ARHGAP6: variants seen among roughly 807,000 people sequenced by gnomAD.
ARHGAP6 encodes the protein rho GTPase-activating protein 6.
A neutral mutation model predicts 55.7 loss-of-function variants in ARHGAP6; 16 were observed. The observed-to-expected ratio is 0.29, with a 90% CI of 0.19 to 0.44. ARHGAP6 has a LOEUF of 0.44. ARHGAP6 is among the 20% of genes least tolerant of loss of function. The pLI, the probability that ARHGAP6 is intolerant of heterozygous loss-of-function variation, is 1.00. For synonymous variants in ARHGAP6, 382 were observed against 360.9 expected (o/e 1.06, Z -0.66); for missense variants, 698 against 808.9 (o/e 0.86, Z 1.66).
intron 1 of ARHGAP6, among the ~76,000 whole-genome samples, chrX:11,499,170 A>T (rs1351374050): frequency 1.8e-5 from 2 of 112,303 alleles, no homozygotes; most frequent in Admixed American, 1.9e-4. Flanking sequence ...AAACGAAAAC[A>T]TGCAGGCAAA....
At chrX:11,566,129 G>T (rs979255245) in intron 1 of ARHGAP6, among the ~76,000 whole-genome samples, 2 of 111,941 alleles carry the variant, frequency 1.8e-5, no homozygotes, top group African/African-American at 3.2e-5. Context: ...ATGGTGTCCT[G>T]GTTGGTGATG....
chrX:11,277,785 T>C (rs1321561293), intron 1 of ARHGAP6, among the ~76,000 whole-genome samples: 2 of 111,541 alleles, frequency 1.8e-5, no homozygotes, highest in Non-Finnish European at 3.8e-5. Flanking sequence ...GTTTATATTT[T>C]AACTCTAAAG....
chrX:11,416,181 A>T (rs763877382), intron 1 of ARHGAP6, among the ~76,000 whole-genome samples: 2 of 111,313 alleles, frequency 1.8e-5, no homozygotes, highest in Admixed American at 9.6e-5. Context: ...TTCTCAAACC[A>T]AGTTTCCTCT....
chrX:11,283,243 A>AATTCTCTTC (rs1452551040), intron 1 of ARHGAP6, among the ~76,000 whole-genome samples: 2 of 111,713 alleles, frequency 1.8e-5, no homozygotes, highest in African/African-American at 6.5e-5. Flanking sequence ...TTATGAGCTA[A>AATTCTCTTC]ATTCTCTTCT....
At chrX:11,414,473 G>T (rs978465043) in intron 1 of ARHGAP6, among the ~76,000 whole-genome samples, 1 of 109,451 alleles carries the variant, frequency 9.1e-6, no homozygotes, top group Non-Finnish European at 1.9e-5. Flanking sequence ...GTCATAGTTT[G>T]TTGACCCCTG....
chrX:11,320,028 C>T lies in ARHGAP6; in HGVS notation c.589-65321G>A, dbSNP rs148248194. Reference sequence around the variant, plus strand: ...GGTCTACAATCATCATCTACAGCACCGGATCCACCATATCACTTCAAGTAA... The same window carrying T: ...GGTCTACAATCATCATCTACAGCACTGGATCCACCATATCACTTCAAGTAA... On this transcript the variant is annotated intron_variant, in intron 1 of 12. Coordinates refer to ENST00000337414, the MANE Select transcript of ARHGAP6 (RefSeq NM_013427.3). 6.2e-4 allele frequency among the ~76,000 whole-genome samples: 70 copies of T among 112,002 alleles called. 1 individual carries two copies. The highest frequency in any genetic ancestry group is 1.9e-3 in the African/African-American group (58 of 30,920).
At chrX:11,228,433 C>T (rs1324033637) in intron 2 of ARHGAP6, among the ~76,000 whole-genome samples, 1 of 111,805 alleles carries the variant, frequency 8.9e-6, no homozygotes, top group Non-Finnish European at 1.9e-5. Context: ...CCTTTGACAT[C>T]TAATTTACCC....
chrX:11,490,333 G>A (rs1356761040), intron 1 of ARHGAP6, among the ~76,000 whole-genome samples: 1 of 111,691 alleles, frequency 9.0e-6, no homozygotes, highest in African/African-American at 3.3e-5. Flanking sequence ...CAAAAGCTGA[G>A]CGTAGCCCCC....
chrX:11,381,568 G>A (rs1603154047), intron 1 of ARHGAP6, among the ~76,000 whole-genome samples: 1 of 111,646 alleles, frequency 9.0e-6, no homozygotes, highest in East Asian at 2.8e-4. Flanking sequence ...CTGGTGAAAA[G>A]GGTAAAGCTG....
At chrX:11,347,711 G>A (rs2048806165) in intron 1 of ARHGAP6, among the ~76,000 whole-genome samples, 1 of 112,322 alleles carries the variant, frequency 8.9e-6, no homozygotes. Context: ...ATGGAAGGCA[G>A]ACAGGAAAAT....
intron 1 of ARHGAP6, among the ~76,000 whole-genome samples, chrX:11,259,609 A>G (rs890737414): frequency 2.7e-5 from 3 of 112,573 alleles, no homozygotes; most frequent in African/African-American, 9.7e-5. Context: ...TCATAATAGT[A>G]AGGACGTTAC....
intron 2 of ARHGAP6, among the ~76,000 whole-genome samples, chrX:11,242,319 T>C (rs1219337559): frequency 8.9e-6 from 1 of 112,794 alleles, no homozygotes; most frequent in East Asian, 2.8e-4. Context: ...CTATGGTTTT[T>C]CCTTAACTAG....
intron 1 of ARHGAP6, among the ~76,000 whole-genome samples, chrX:11,566,989 GT>G (rs1370130325): frequency 8.9e-6 from 1 of 111,947 alleles, no homozygotes; most frequent in Admixed American, 9.5e-5. Context: ...AACAAACCCA[GT>G]AAAAATAACA....
chrX:11,339,892 C>T (rs1296857758), intron 1 of ARHGAP6, among the ~76,000 whole-genome samples: 1 of 112,258 alleles, frequency 8.9e-6, no homozygotes, highest in Non-Finnish European at 1.9e-5. Context: ...CACCCAGTTG[C>T]TCAAGCAAGC....
At chrX:11,174,596 C>CT (rs1569241336) in intron 8 of ARHGAP6, among the ~76,000 whole-genome samples, 1 of 63,945 alleles carries the variant, frequency 1.6e-5, no homozygotes, top group African/African-American at 5.3e-5. Context: ...CTTTCTTTTT[C>CT]TTTCTTTCTT....
chrX:11,185,762 A>G (rs1299452131), intron 5 of ARHGAP6, among the ~76,000 whole-genome samples: 1 of 112,282 alleles, frequency 8.9e-6, no homozygotes, highest in African/African-American at 3.2e-5. Context: ...GCAAATAGCA[A>G]TATGTAAACC....
At chrX:11,273,621 G>C (rs1212262706) in intron 1 of ARHGAP6, among the ~76,000 whole-genome samples, 1 of 106,515 alleles carries the variant, frequency 9.4e-6, no homozygotes, top group African/African-American at 3.4e-5. Context: ...GAGTTTTGCT[G>C]CTTCTTTCTT....
chrX:11,567,566 A>AATAT (rs1556078452), intron 1 of ARHGAP6, among the ~76,000 whole-genome samples: 1 of 84,401 alleles, frequency 1.2e-5, no homozygotes, highest in Non-Finnish European at 2.3e-5. Flanking sequence ...AAAAAAAAAA[A>AATAT]ATATATATAT....
chrX:11,442,962 T>G (rs2050054880), intron 1 of ARHGAP6, among the ~76,000 whole-genome samples: 1 of 112,098 alleles, frequency 8.9e-6, no homozygotes, highest in South Asian at 3.7e-4. Context: ...TTTTTCTGTT[T>G]TTGAAACTCT....
Sources: allele counts gnomAD v4.1 joint callset (sites outside exome capture counted in the v4.1 genomes callset), GRCh38; gene constraint gnomAD v4.1.1; transcripts MANE v1.5; gene names NCBI Gene and HGNC (gene_info 2026-07-23, HGNC 2026-07-21).